MYH10: variants seen among roughly 807,000 people sequenced by gnomAD.
MYH10 encodes the protein myosin-10.
MYH10 carries 55 observed loss-of-function variants against 257.8 expected under a neutral mutation model. That is an observed-to-expected ratio of 0.21 (90% CI 0.17 to 0.27). The LOEUF is 0.27. MYH10 is among the 10% of genes least tolerant of loss of function. MYH10 has a pLI of 1.00. For synonymous variants in MYH10, 854 were observed against 921.7 expected, an observed-to-expected ratio of 0.93 and a Z score of 1.33; for missense variants, 1,631 against 2,500.6, an observed-to-expected ratio of 0.65 and a Z score of 7.42.
At chr17:8,527,634 G>A (rs2081890690) in intron 17 of MYH10, among the ~76,000 whole-genome samples, 1 of 152,230 alleles carries the variant, frequency 6.6e-6, no homozygotes, top group Non-Finnish European at 1.5e-5. Flanking sequence ...TACAGCAGCA[G>A]CTGCTGCAGA....
Position 8,548,424 on chromosome 17 carries a change from AAG to A in MYH10, c.1064-18_1064-17del. 7.1e-7 allele frequency: 1 copy of A among 1,400,090 alleles called. No individual in the cohort carries two copies. Among genetic ancestry groups the A allele is most frequent in the Non-Finnish European group, 9.4e-7 (1 of 1,067,974 alleles). 86.7% of individuals were successfully genotyped at this position (1,400,090 alleles called of 1,614,324 possible). A position where few individuals can be genotyped will look rare whatever the true frequency, so the allele number is the denominator to read the frequency against. ...TTAAGCATTGCTTCATATTGATAAA[AAG>A]AAAAAAAAAATTAATATTGCCTCAA... On this transcript the variant is annotated splice_polypyrimidine_tract_variant and intron_variant, in intron 10 of 42. Coordinates refer to ENST00000360416, the MANE Select transcript of MYH10 (RefSeq NM_001256012.3).
At chr17:8,573,645 A>G (rs1049963758) in intron 6 of MYH10, among the ~76,000 whole-genome samples, 4 of 152,242 alleles carry the variant, frequency 2.6e-5, no homozygotes, top group African/African-American at 9.6e-5. Context: ...AAGAGGGCAC[A>G]CAGAAGCTGT....
At chr17:8,618,375 G>C (rs2085344856) in intron 2 of MYH10, among the ~76,000 whole-genome samples, 1 of 151,912 alleles carries the variant, frequency 6.6e-6, no homozygotes, top group Non-Finnish European at 1.5e-5. Context: ...AAGTAGCTGG[G>C]GCTACAGGCA....
chr17:8,557,629 C>T (rs1380283695), intron 7 of MYH10, among the ~76,000 whole-genome samples: 1 of 152,182 alleles, frequency 6.6e-6, no homozygotes, highest in African/African-American at 2.4e-5. Flanking sequence ...AGGTGCATTC[C>T]ATGAAGGGCC....
intron 17 of MYH10, among the ~76,000 whole-genome samples, chr17:8,527,018 C>T (rs1325434546): frequency 6.6e-5 from 10 of 152,186 alleles, no homozygotes; most frequent in Admixed American, 2.0e-4. Context: ...GTTCTCAATA[C>T]TCATTTAAAT....
chr17:8,626,270 G>A (rs2085670313), intron 1 of MYH10, among the ~76,000 whole-genome samples: 1 of 152,052 alleles, frequency 6.6e-6, no homozygotes, highest in Non-Finnish European at 1.5e-5. Flanking sequence ...TTGCACACTG[G>A]TAAAAAGAAA....
At chr17:8,539,853 C>T (rs2082245816) in intron 14 of MYH10, among the ~76,000 whole-genome samples, 1 of 152,114 alleles carries the variant, frequency 6.6e-6, no homozygotes, top group Non-Finnish European at 1.5e-5. Flanking sequence ...CTTTCCAAAG[C>T]ACTGGGATTA....
chr17:8,553,098 A>C (rs4404134), intron 8 of MYH10, among the ~76,000 whole-genome samples: 146,900 of 152,282 alleles, frequency 0.96, 71,087 homozygotes, highest in East Asian at 1. Context: ...CCTGAATTTT[A>C]AGTCAGACTA....
chr17:8,475,934 A>G lies in MYH10; in HGVS notation c.5894T>C (p.Ile1965Thr). 6.2e-7 allele frequency: 1 copy of G among 1,613,706 alleles called. No homozygotes were observed. The highest frequency in any genetic ancestry group is 8.5e-7 in the Non-Finnish European group (1 of 1,179,958). The part of the protein sequence containing the change: ...LKNRLRRGGP[I>T]SFSSSRSGRR... ...GCCAGATCGGCTGGAAGAGAAGCTG[A>G]TGGGGCCACCCCGCCTGGAGAACAC... The change falls in exon 43 of 43, where the codon ATC becomes ACC. Residue 1965 changes from isoleucine to threonine, a missense_variant. Transcript: ENST00000360416.
rs906670394 is a variant in MYH10 at position 8,545,661 on chromosome 17, T to C, written c.1279-61A>G. 6.4e-6 allele frequency: 10 copies of C among 1,550,998 alleles called. No homozygotes were observed. In the Admixed American group the frequency reaches 1.6e-4, roughly 24 times the overall value. On this transcript the variant is annotated intron_variant, in intron 12 of 42. Transcript: ENST00000360416. The surrounding 1 kb of genome is among the most constrained non-coding windows in gnomAD (Gnocchi z 4.7). ...ACAATCTCAACAAAGCATAAATAGCTGTTTTACGGAATTTAATGTTATACA... is the reference window on the plus strand; with the variant it reads ...ACAATCTCAACAAAGCATAAATAGCCGTTTTACGGAATTTAATGTTATACA...
intron 2 of MYH10, among the ~76,000 whole-genome samples, chr17:8,621,460 C>T (rs536213083): frequency 6.6e-6 from 1 of 152,110 alleles, no homozygotes; most frequent in Non-Finnish European, 1.5e-5. Flanking sequence ...AAGCCCCCCA[C>T]ACTCACAGAC....
At chr17:8,605,600 C>T (rs1018845536) in intron 2 of MYH10, among the ~76,000 whole-genome samples, 24 of 151,976 alleles carry the variant, frequency 1.6e-4, no homozygotes, top group African/African-American at 3.1e-4. Flanking sequence ...AAAAATTAGC[C>T]GGGCACAGTG....
At chr17:8,590,863 T>G (rs1020318015) in intron 3 of MYH10, among the ~76,000 whole-genome samples, 1 of 140,982 alleles carries the variant, frequency 7.1e-6, no homozygotes, top group African/African-American at 2.6e-5. Flanking sequence ...CTCAGGTTTC[T>G]CAATGTCGCC....
At chr17:8,539,124 C>A (rs2082224568) in intron 14 of MYH10, among the ~76,000 whole-genome samples, 1 of 152,112 alleles carries the variant, frequency 6.6e-6, no homozygotes, top group Non-Finnish European at 1.5e-5. Flanking sequence ...AGCAAGAATA[C>A]CCTCATCCAA....
At chr17:8,511,052 ATATATAT>A (rs2081268864) in intron 24 of MYH10, 2 of 114,888 alleles carry the variant, frequency 1.7e-5, no homozygotes, top group African/African-American at 8.5e-5. Flanking sequence ...ATATATATAT[ATATATAT>A]ACACACATAC....
chr17:8,604,201 AG>A (rs2084713057), intron 3 of MYH10, among the ~76,000 whole-genome samples: 6 of 152,186 alleles, frequency 3.9e-5, no homozygotes, highest in Admixed American at 3.9e-4. Context: ...ACGTAGCACC[AG>A]GAACTCCCAT....
intron 28 of MYH10, among the ~76,000 whole-genome samples, chr17:8,503,036 A>G (rs2151849224): frequency 6.6e-6 from 1 of 152,158 alleles, no homozygotes; most frequent in East Asian, 1.9e-4. Flanking sequence ...TAATCCCAGC[A>G]CTTTGGGAGG....
At chr17:8,612,620 G>A (rs2085084481) in intron 2 of MYH10, among the ~76,000 whole-genome samples, 1 of 152,122 alleles carries the variant, frequency 6.6e-6, no homozygotes, top group Admixed American at 6.5e-5. Flanking sequence ...GGAGGCCAAG[G>A]AGGGGGCAGA....
chr17:8,593,640 C>T lies in MYH10; in HGVS notation c.503-4532G>A, dbSNP rs562356611. ...TTGGTTATAAATCTGATGAAGTATA[C>T]GCAACATCTCTGTATGCTGAAAACT... is the stretch of plus-strand genomic sequence containing the variant. On this transcript the variant is annotated intron_variant, in intron 3 of 42. Transcript: ENST00000360416. Among the ~76,000 whole-genome samples the T allele has an allele frequency of 1.3e-3, 191 of 152,112 alleles. 1 individual carries two copies. The highest frequency in any genetic ancestry group is 4.3e-3 in the African/African-American group (177 of 41,516).
Sources: gnomAD v4.1 joint callset for allele counts (sites outside exome capture counted in the v4.1 genomes callset) on GRCh38, gnomAD v4.1.1 for gene constraint, Gnocchi (gnomAD v3.1) non-coding constraint, MANE v1.5 for transcripts, NCBI Gene and HGNC (gene_info 2026-07-23, HGNC 2026-07-21) for gene names.